UVRAG: variants seen among roughly 807,000 people sequenced by gnomAD.
UVRAG encodes the protein UV radiation resistance associated, also known as UV radiation resistance-associated gene protein.
A neutral mutation model predicts 78.0 loss-of-function variants in UVRAG; 19 were observed. The ratio of observed to expected loss-of-function variants is 0.24; its 90% CI spans 0.17 to 0.36. The LOEUF (loss-of-function observed/expected upper bound fraction) is 0.36. UVRAG is among the 10% of genes least tolerant of loss of function. The pLI is 1.00. For missense variants in UVRAG, 740 were observed against 853.8 expected (o/e 0.87, Z 1.66); for synonymous variants, 323 against 324.6 (o/e 1.00, Z 0.05).
intron 13 of UVRAG, among the ~76,000 whole-genome samples, chr11:76,066,594 TC>T (rs1014308910): frequency 1.3e-5 from 2 of 152,118 alleles, no homozygotes; most frequent in Admixed American, 6.5e-5. Flanking sequence ...TGCCTCAGCC[TC>T]CCAAGTAGGT....
chr11:75,861,808 T>C (rs371699367), intron 3 of UVRAG, 28 bp downstream of exon 3: 100 of 1,582,718 alleles, frequency 6.3e-5, no homozygotes, highest in Non-Finnish European at 8.0e-5. Flanking sequence ...CGGGTACATA[T>C]GACTAAGTAT....
chr11:75,963,483 T>G (rs1042717416), intron 7 of UVRAG, among the ~76,000 whole-genome samples: 1 of 152,248 alleles, frequency 6.6e-6, no homozygotes, highest in Non-Finnish European at 1.5e-5. Context: ...TATAGCATAT[T>G]AGAAAACTTT....
intron 12 of UVRAG, among the ~76,000 whole-genome samples, chr11:76,060,094 T>G (rs1174374907): frequency 1.3e-5 from 2 of 152,182 alleles, no homozygotes; most frequent in East Asian, 3.9e-4. Context: ...TAACAGTGTA[T>G]CTTTTATAAA....
chr11:75,879,817 T>G, intron 3 of UVRAG, 62 bp from the exon 4 acceptor site: 1 of 1,559,766 alleles, frequency 6.4e-7, no homozygotes, highest in Non-Finnish European at 8.7e-7. Flanking sequence ...ATTTGTCACC[T>G]AATTGAAATA....
intron 14 of UVRAG, among the ~76,000 whole-genome samples, chr11:76,126,981 A>G (rs76617732): frequency 0.058 from 8,804 of 152,188 alleles, 414 homozygotes; most frequent in African/African-American, 0.14. Context: ...CAAGGTGCCA[A>G]TCAAATACAA....
intron 6 of UVRAG, among the ~76,000 whole-genome samples, chr11:75,955,339 A>G (rs1190107217): frequency 6.6e-6 from 1 of 152,136 alleles, no homozygotes; most frequent in Non-Finnish European, 1.5e-5. Context: ...TTTTTATGTG[A>G]CCTAAGAAAT....
intron 7 of UVRAG, among the ~76,000 whole-genome samples, chr11:75,976,604 A>T (rs1480508206): frequency 8.6e-5 from 13 of 152,036 alleles, no homozygotes; most frequent in Non-Finnish European, 4.4e-5. Flanking sequence ...GGGATGGTGT[A>T]TGTGTCCAGG....
Position 75,867,948 on chromosome 11 carries a change from C to G in UVRAG, c.270+6168C>G, listed in dbSNP as rs11823689. Among the ~76,000 whole-genome samples, 1,363 of 151,858 alleles carry G rather than the reference C, an allele frequency of 9.0e-3. 21 individuals carry two copies. The highest frequency in any genetic ancestry group is 0.032 in the African/African-American group (1,313 of 41,200). On this transcript the variant is annotated intron_variant, in intron 3 of 14. Transcript: ENST00000356136. ...ACTTTTAAGGGTGTGCGTGTAGATACAATGACACTGGATGACTGCCACCTG... is the reference window on the plus strand; with the variant it reads ...ACTTTTAAGGGTGTGCGTGTAGATAGAATGACACTGGATGACTGCCACCTG...
intron 11 of UVRAG, among the ~76,000 whole-genome samples, chr11:76,011,164 C>T (rs1377582417): frequency 6.6e-6 from 1 of 152,134 alleles, no homozygotes; most frequent in East Asian, 1.9e-4. Flanking sequence ...TCTCCCTACC[C>T]TTTAATAAAT....
chr11:75,904,452 CATCTGGTGAAGTT>C (rs1300222074), intron 5 of UVRAG, among the ~76,000 whole-genome samples: 5 of 152,212 alleles, frequency 3.3e-5, no homozygotes, highest in African/African-American at 1.2e-4. Flanking sequence ...TGGGATCGAA[CATCTGGTGAAGTT>C]AGATGTCATT....
At chr11:75,884,963 G>A (rs1026642939) in intron 4 of UVRAG, among the ~76,000 whole-genome samples, 47 of 151,840 alleles carry the variant, frequency 3.1e-4, no homozygotes, top group African/African-American at 1.1e-3. Flanking sequence ...GAAAATTTGG[G>A]GAGAATTAAC....
intron 12 of UVRAG, among the ~76,000 whole-genome samples, chr11:76,063,516 A>G (rs1253236127): frequency 6.6e-6 from 1 of 152,192 alleles, no homozygotes; most frequent in Admixed American, 6.5e-5. Flanking sequence ...TTTTTCTACT[A>G]TTTATAGAAA....
chr11:76,103,926 G>A (rs959819341), intron 13 of UVRAG, among the ~76,000 whole-genome samples: 3 of 151,560 alleles, frequency 2.0e-5, no homozygotes, highest in Non-Finnish European at 2.9e-5. Flanking sequence ...TCAAATTTCT[G>A]AAATCAAGAG....
chr11:76,030,868 C>A (rs1031965022), intron 12 of UVRAG, among the ~76,000 whole-genome samples: 7 of 152,214 alleles, frequency 4.6e-5, no homozygotes, highest in African/African-American at 1.4e-4. Flanking sequence ...AAATGAAGTT[C>A]TTTATATGTA....
intron 13 of UVRAG, among the ~76,000 whole-genome samples, chr11:76,094,391 A>T (rs192737946): frequency 3.3e-4 from 50 of 152,190 alleles, no homozygotes; most frequent in African/African-American, 1.2e-3. Context: ...TTAGGGAGGA[A>T]TCCCTCTTTT....
chr11:76,137,620 T>G, intron 14 of UVRAG: 1 of 370,850 alleles, frequency 2.7e-6, no homozygotes. Context: ...CCATTTTGGC[T>G]GGGACCTGTG....
intron 13 of UVRAG, among the ~76,000 whole-genome samples, chr11:76,081,655 A>G (rs1951496282): frequency 6.6e-6 from 1 of 152,092 alleles, no homozygotes. Context: ...AAAAAAAAAC[A>G]ATAATAAACC....
intron 1 of UVRAG, among the ~76,000 whole-genome samples, chr11:75,847,849 C>T (rs771293638): frequency 6.6e-6 from 1 of 151,474 alleles, no homozygotes; most frequent in Non-Finnish European, 1.5e-5. Flanking sequence ...TATGCGCCTA[C>T]AGTCCCAGCT....
At chr11:75,818,849 A>G (rs1945323042) in intron 1 of UVRAG, among the ~76,000 whole-genome samples, 1 of 152,202 alleles carries the variant, frequency 6.6e-6, no homozygotes, top group Non-Finnish European at 1.5e-5. Context: ...ATCTCAAAAC[A>G]TAGATTCAGT....
Sources: gnomAD v4.1 joint callset for allele counts (sites outside exome capture counted in the v4.1 genomes callset) on GRCh38, gnomAD v4.1.1 for gene constraint, MANE v1.5 for transcripts, NCBI Gene and HGNC (gene_info 2026-07-23, HGNC 2026-07-21) for gene names.